Variants in MAP2K6 observed in about 807,000 individuals in gnomAD.
MAP2K6 encodes the protein mitogen-activated protein kinase kinase 6, also known as dual specificity mitogen-activated protein kinase kinase 6.
In MAP2K6, 16 loss-of-function variants were observed where a neutral mutation model predicts 53.7. That is an observed-to-expected ratio of 0.30 (90% CI 0.20 to 0.45). The LOEUF (loss-of-function observed/expected upper bound fraction) is 0.45, where lower values mean the gene tolerates loss of function less well. Ranked by LOEUF, MAP2K6 falls within the 20% of genes least tolerant of loss-of-function variation. The pLI, the probability that MAP2K6 is intolerant of heterozygous loss-of-function variation, is 1.00. For synonymous variants in MAP2K6, 132 were observed against 143.1 expected (o/e 0.92, Z 0.55); for missense variants, 204 against 411.9 (o/e 0.50, Z 4.37).
chr17:69,553,627 T>G lies in MAP2K6; in HGVS notation c.*11874T>G, dbSNP rs1031014278. 1 of 152,220 alleles carries G rather than the reference T, an allele frequency of 6.6e-6. No individual in the cohort carries two copies. The highest frequency in any genetic ancestry group is 1.5e-5 in the Non-Finnish European group (1 of 68,044). The allele number at this position is 152,220 out of a possible 1,614,324, so 9.4% of individuals were successfully genotyped here. On this transcript the variant is annotated 3_prime_UTR_variant, in exon 12 of 12. Coordinates refer to ENST00000590474, the MANE Select transcript of MAP2K6 (RefSeq NM_002758.4). The stretch of plus-strand genomic sequence containing the variant: ...CGTGTAAAACTTCACACCGTGTGTG[T>G]TGTGTTCAATGTTGTGTCAATCTAC...
At chr17:69,506,923 T>C (rs1909523071) in intron 2 of MAP2K6, among the ~76,000 whole-genome samples, 1 of 152,178 alleles carries the variant, frequency 6.6e-6, no homozygotes, top group Admixed American at 6.5e-5. Context: ...CGTCTTCCCA[T>C]ACTTGCTGTC....
chr17:69,420,330 A>AT (rs891105322), intron 1 of MAP2K6, among the ~76,000 whole-genome samples: 4 of 151,956 alleles, frequency 2.6e-5, no homozygotes, highest in African/African-American at 7.3e-5. Context: ...ATTTAATCTA[A>AT]TTTTTTTTAG....
At chr17:69,425,680 T>A (rs967296691) in intron 1 of MAP2K6, among the ~76,000 whole-genome samples, 2 of 152,176 alleles carry the variant, frequency 1.3e-5, no homozygotes, top group African/African-American at 4.8e-5. Context: ...GCCTCAGTTG[T>A]TTTTCATGAT....
chr17:69,432,617 C>T (rs1906499218), intron 1 of MAP2K6, among the ~76,000 whole-genome samples: 1 of 146,474 alleles, frequency 6.8e-6, no homozygotes, highest in African/African-American at 2.5e-5. Context: ...AACGCATGGA[C>T]ACAGGGAGAG....
chr17:69,450,361 G>A (rs911713111), intron 1 of MAP2K6, among the ~76,000 whole-genome samples: 5 of 152,206 alleles, frequency 3.3e-5, no homozygotes, highest in Non-Finnish European at 7.3e-5. Flanking sequence ...GCTTGACTCT[G>A]AGTCTGAGGC....
At chr17:69,431,698 C>G (rs1223284875) in intron 1 of MAP2K6, among the ~76,000 whole-genome samples, 1 of 152,196 alleles carries the variant, frequency 6.6e-6, no homozygotes, top group African/African-American at 2.4e-5. Flanking sequence ...TTTGCAGGGT[C>G]CCTCATTCGG....
chr17:69,466,867 G>C (rs1462074156), intron 1 of MAP2K6, among the ~76,000 whole-genome samples: 3 of 152,198 alleles, frequency 2.0e-5, no homozygotes, highest in Admixed American at 6.5e-5. Context: ...TTGTTGGGCT[G>C]ATGGTGGAGG....
In MAP2K6 at chr17:69,418,730, G is replaced by T. The variant is rs1038653648; in HGVS notation, c.16+3730G>T. Among the ~76,000 whole-genome samples the T allele has an allele frequency of 2.0e-5, 3 of 151,918 alleles. No homozygotes were observed. In the South Asian group the frequency reaches 6.2e-4, roughly 32 times the overall value. On this transcript the variant is annotated intron_variant, in intron 1 of 11. Coordinates refer to ENST00000590474, the MANE Select transcript of MAP2K6 (RefSeq NM_002758.4). ...AACTTTCACTATTGTGAATATTTCC[G>T]TGATGATCATACCAGTTCCTACATT...
Position 69,495,300 on chromosome 17 carries a change from G to C in MAP2K6, c.17-10480G>C, listed in dbSNP as rs538259057. On this transcript the variant is annotated intron_variant, in intron 1 of 11. Coordinates refer to ENST00000590474, the MANE Select transcript of MAP2K6 (RefSeq NM_002758.4). ...GTCGCCCAAGCTGGAGTGCAGTGGC[G>C]AGACTTCGGCTCACTGCCTCCACCT... Among the ~76,000 whole-genome samples, 213 of 151,448 alleles carry C rather than the reference G, an allele frequency of 1.4e-3. 1 individual carries two copies. Among genetic ancestry groups the C allele is most frequent in the Middle Eastern group, 0.01 (3 of 294 alleles).
At chr17:69,508,283 T>C (rs1177877565) in intron 2 of MAP2K6, among the ~76,000 whole-genome samples, 1 of 151,810 alleles carries the variant, frequency 6.6e-6, no homozygotes, top group East Asian at 1.9e-4. Flanking sequence ...GGTCTGCTGG[T>C]CTCGAACTCC....
intron 1 of MAP2K6, among the ~76,000 whole-genome samples, chr17:69,462,244 C>T (rs1907645847): frequency 6.6e-6 from 1 of 152,104 alleles, no homozygotes; most frequent in Non-Finnish European, 1.5e-5. Context: ...CAGGTTAGCA[C>T]CTCCTCTATC....
intron 1 of MAP2K6, among the ~76,000 whole-genome samples, chr17:69,478,035 C>G (rs1307610418): frequency 6.6e-6 from 1 of 152,156 alleles, no homozygotes; most frequent in African/African-American, 2.4e-5. Context: ...TTAGTATGGT[C>G]AAAGTAGAGT....
chr17:69,507,981 C>G (rs1297123996), intron 2 of MAP2K6, among the ~76,000 whole-genome samples: 1 of 144,350 alleles, frequency 6.9e-6, no homozygotes, highest in Non-Finnish European at 1.5e-5. Context: ...TCTCTGCCAG[C>G]AATTGGTATT....
At chr17:69,440,716 A>C (rs1025680788) in intron 1 of MAP2K6, among the ~76,000 whole-genome samples, 13 of 150,622 alleles carry the variant, frequency 8.6e-5, no homozygotes, top group African/African-American at 2.9e-4. Flanking sequence ...TGGATATAGA[A>C]TTCTGGGTTG....
intron 1 of MAP2K6, among the ~76,000 whole-genome samples, chr17:69,427,172 G>A (rs995640337): frequency 1.3e-5 from 2 of 152,146 alleles, no homozygotes; most frequent in Non-Finnish European, 2.9e-5. Flanking sequence ...ATGCCAACCT[G>A]CCTTTTCCAT....
At chr17:69,529,708 C>T (rs1910979620) in intron 10 of MAP2K6, among the ~76,000 whole-genome samples, 1 of 151,984 alleles carries the variant, frequency 6.6e-6, no homozygotes, top group African/African-American at 2.4e-5. Context: ...GACGGGGTTT[C>T]ACCGTGTTAA....
chr17:69,466,853 G>C (rs766057341), intron 1 of MAP2K6, among the ~76,000 whole-genome samples: 7 of 152,120 alleles, frequency 4.6e-5, no homozygotes, highest in African/African-American at 2.4e-5. Flanking sequence ...AGTTAAATAG[G>C]CTTTTGTTGG....
At chr17:69,531,590 A>G (rs1911088016) in intron 10 of MAP2K6, among the ~76,000 whole-genome samples, 1 of 152,208 alleles carries the variant, frequency 6.6e-6, no homozygotes, top group Non-Finnish European at 1.5e-5. Flanking sequence ...CCTAGAGTCC[A>G]GAGTTCCAGT....
At chr17:69,453,990 G>T (rs1443610617) in intron 1 of MAP2K6, among the ~76,000 whole-genome samples, 2 of 152,216 alleles carry the variant, frequency 1.3e-5, no homozygotes, top group African/African-American at 4.8e-5. Context: ...CTGGAATAAA[G>T]AAGGAAATTT....
Sources: gnomAD v4.1 joint callset for allele counts (sites outside exome capture counted in the v4.1 genomes callset) on GRCh38, gnomAD v4.1.1 for gene constraint, MANE v1.5 for transcripts, NCBI Gene and HGNC (gene_info 2026-07-23, HGNC 2026-07-21) for gene names.